PHF20: variants seen among roughly 807,000 people sequenced by gnomAD.
The protein encoded by PHF20 is PHD finger protein 20.
Under a neutral mutation model 113.5 loss-of-function variants are expected in PHF20, and 23 were observed. The observed-to-expected ratio is 0.20, with a 90% confidence interval of 0.15 to 0.29. The LOEUF (loss-of-function observed/expected upper bound fraction) is 0.29. Ranked by LOEUF, PHF20 falls within the 10% of genes least tolerant of loss-of-function variation. The pLI, the probability that PHF20 is intolerant of heterozygous loss-of-function variation, is 1.00. For missense variants in PHF20, 943 were observed against 1,219.6 expected (o/e 0.77, Z 3.38); for synonymous variants, 434 against 457.3 (o/e 0.95, Z 0.65).
intron 2 of PHF20, among the ~76,000 whole-genome samples, chr20:35,819,583 A>C (rs1056876406): frequency 6.6e-6 from 1 of 151,692 alleles, no homozygotes; most frequent in Non-Finnish European, 1.5e-5. Flanking sequence ...TTTCTTTTTC[A>C]TTAGGGTTAT....
Position 35,883,106 on chromosome 20 carries a change from C to T in PHF20, c.1282+11277C>T, listed in dbSNP as rs556439946. ...GCACACGCCTGTAGTCCCAGCTACT[C>T]GGGAGGCTGACATGGGAGGATCTCT... is the stretch of plus-strand genomic sequence containing the variant. On this transcript the variant is annotated intron_variant, in intron 9 of 17. Coordinates refer to ENST00000374012, the MANE Select transcript of PHF20 (RefSeq NM_016436.5). Among the ~76,000 whole-genome samples, 10 of 151,836 alleles carry T rather than the reference C, an allele frequency of 6.6e-5. No homozygotes were observed. The East Asian group carries it at 1.4e-3, about 21-fold the overall frequency.
chr20:35,847,430 G>A lies in PHF20; in HGVS notation c.336G>A (p.Lys112=). 2 of 1,606,552 alleles carry A rather than the reference G, an allele frequency of 1.2e-6. No individual in the cohort carries two copies. Among genetic ancestry groups the A allele is most frequent in the East Asian group, 2.2e-5 (1 of 44,816 alleles). Residue 112 remains lysine, a synonymous_variant, in exon 4 of 18, where the codon AAG becomes AAA. Transcript: ENST00000374012. ...CGGCCAAAGTCACTGCTGTTAACAA[G>A]GATGGTAAGGCATTTGAGTTGTAGT... ...FYPAKVTAVN[K]DGTYTVKFYD... is the part of the protein sequence containing the mutation.
chr20:35,940,047 T>C (rs2055946921), intron 16 of PHF20, among the ~76,000 whole-genome samples: 1 of 152,220 alleles, frequency 6.6e-6, no homozygotes, highest in African/African-American at 2.4e-5. Flanking sequence ...AGACCTGTTT[T>C]CTCGCCTGTA....
At chr20:35,873,890 A>G (rs2054471677) in intron 9 of PHF20, among the ~76,000 whole-genome samples, 5 of 152,206 alleles carry the variant, frequency 3.3e-5, no homozygotes, top group Admixed American at 2.0e-4. Flanking sequence ...TTATGTAAAA[A>G]TGTTCCATTA....
At chr20:35,777,507 A>C (rs1188309474) in intron 1 of PHF20, among the ~76,000 whole-genome samples, 1 of 152,210 alleles carries the variant, frequency 6.6e-6, no homozygotes, top group Non-Finnish European at 1.5e-5. Flanking sequence ...CCTAAGTGCA[A>C]ATACCATTTG....
intron 13 of PHF20, among the ~76,000 whole-genome samples, chr20:35,920,089 T>C (rs1052708038): frequency 6.6e-6 from 1 of 152,220 alleles, no homozygotes; most frequent in African/African-American, 2.4e-5. Context: ...TACTGAGGTA[T>C]ACTAAGACCA....
At chr20:35,889,460 C>T (rs570318061) in intron 9 of PHF20, among the ~76,000 whole-genome samples, 114 of 151,998 alleles carry the variant, frequency 7.5e-4, no homozygotes, top group Middle Eastern at 3.4e-3. Flanking sequence ...CTCCTGGGTT[C>T]GAGCAATTTT....
chr20:35,817,435 C>T (rs1345941764), intron 2 of PHF20, among the ~76,000 whole-genome samples: 2 of 152,094 alleles, frequency 1.3e-5, no homozygotes, highest in East Asian at 1.9e-4. Context: ...GATCCACCTG[C>T]CTCGGCCTCC....
At chr20:35,920,429 A>G (rs912904612) in intron 13 of PHF20, among the ~76,000 whole-genome samples, 5 of 152,202 alleles carry the variant, frequency 3.3e-5, no homozygotes, top group Admixed American at 3.3e-4. Flanking sequence ...AGTGATTTAA[A>G]GTTTCTGGAG....
At chr20:35,945,474 A>G (rs556048827) in intron 17 of PHF20, among the ~76,000 whole-genome samples, 1 of 152,342 alleles carries the variant, frequency 6.6e-6, no homozygotes, top group Admixed American at 6.5e-5. Context: ...ATAGCTCACA[A>G]GAAACAGAGG....
At chr20:35,917,764 AAC>A (rs1388033556) in intron 13 of PHF20, 102 bp downstream of exon 13, 3 of 982,334 alleles carry the variant, frequency 3.1e-6, no homozygotes, top group Admixed American at 2.6e-5. Flanking sequence ...GAGCCCCAGA[AAC>A]ACAGCACGAA....
chr20:35,878,954 A>G (rs1264824056), intron 9 of PHF20, among the ~76,000 whole-genome samples: 4 of 152,206 alleles, frequency 2.6e-5, no homozygotes, highest in Non-Finnish European at 5.9e-5. Context: ...AAGTCAAGTT[A>G]ACTTAAAAGA....
intron 13 of PHF20, among the ~76,000 whole-genome samples, chr20:35,918,895 A>G (rs902019150): frequency 6.6e-6 from 1 of 152,238 alleles, no homozygotes; most frequent in Non-Finnish European, 1.5e-5. Context: ...ATTGTCCAAT[A>G]AGAATCTGTA....
At chr20:35,792,162 G>A (rs1226597474) in intron 1 of PHF20, among the ~76,000 whole-genome samples, 1 of 151,980 alleles carries the variant, frequency 6.6e-6, no homozygotes, top group Admixed American at 6.6e-5. Context: ...GAAGAAAGTG[G>A]GTGAAGTTTT....
chr20:35,938,928 C>G lies in PHF20; in HGVS notation c.2532C>G (p.Pro844=). The G allele has an allele frequency of 6.2e-7, 1 of 1,614,230 alleles. No homozygotes were observed. Among genetic ancestry groups the G allele is most frequent in the South Asian group, 1.1e-5 (1 of 91,088 alleles). ...CCAGTGAGCATTGCTACCAGAAGCC[C>G]CGCGCCTATTACCCTGCCGTGGAGC... ...YITSEHCYQK[P]RAYYPAVEQK... Residue 844 remains proline, a synonymous_variant, in exon 16 of 18, where the codon CCC becomes CCG. Coordinates refer to ENST00000374012, the MANE Select transcript of PHF20 (RefSeq NM_016436.5).
intron 2 of PHF20, among the ~76,000 whole-genome samples, chr20:35,841,356 A>G (rs1393811735): frequency 6.6e-6 from 1 of 152,078 alleles, no homozygotes; most frequent in Non-Finnish European, 1.5e-5. Flanking sequence ...CAATCAATCA[A>G]TCAATCAAAA....
intron 1 of PHF20, among the ~76,000 whole-genome samples, chr20:35,793,256 A>G (rs1356985979): frequency 6.6e-6 from 1 of 150,492 alleles, no homozygotes; most frequent in Non-Finnish European, 1.5e-5. Flanking sequence ...CTTGTCACCT[A>G]GTTCTCTGCT....
chr20:35,879,393 A>T (rs1237698425), intron 9 of PHF20, among the ~76,000 whole-genome samples: 2 of 152,210 alleles, frequency 1.3e-5, no homozygotes, highest in Non-Finnish European at 2.9e-5. Context: ...TGCTGTTGTT[A>T]TATTAGAATA....
intron 13 of PHF20, among the ~76,000 whole-genome samples, chr20:35,921,326 CT>C (rs796134143): frequency 0.02 from 2,907 of 146,000 alleles, 93 homozygotes; most frequent in African/African-American, 0.068. Flanking sequence ...GAGTGTGCAT[CT>C]TTTTTTTTTT....
Sources: allele counts gnomAD v4.1 joint callset (sites outside exome capture counted in the v4.1 genomes callset), GRCh38; gene constraint gnomAD v4.1.1; transcripts MANE v1.5; gene names NCBI Gene and HGNC (gene_info 2026-07-23, HGNC 2026-07-21).